The following SLC14A2 variants were observed in gnomAD, a reference collection of about 807,000 sequenced individuals.
SLC14A2 encodes the protein solute carrier family 14 member 2.
In SLC14A2, 91 loss-of-function variants were observed where a neutral mutation model predicts 104.6. The ratio of observed to expected loss-of-function variants is 0.87; its 90% CI spans 0.73 to 1.04. The LOEUF (loss-of-function observed/expected upper bound fraction) is 1.04. Among genes scored for constraint, SLC14A2 ranks in the 50% least tolerant of loss-of-function variants. The pLI is 0.00. For missense variants in SLC14A2, 1,189 were observed against 1,156.0 expected, an observed-to-expected ratio of 1.03 and a Z score of -0.41; for synonymous variants, 476 against 466.4, an observed-to-expected ratio of 1.02 and a Z score of -0.27.
At chr18:45,343,754 G>T (rs746875813) in intron 1 of SLC14A2, among the ~76,000 whole-genome samples, 4 of 152,132 alleles carry the variant, frequency 2.6e-5, no homozygotes, top group African/African-American at 7.2e-5. Flanking sequence ...GTGGCCCTGT[G>T]ATTCCTTTGA....
chr18:45,466,216 A>G (rs1338915297), intron 1 of SLC14A2, among the ~76,000 whole-genome samples: 1 of 152,062 alleles, frequency 6.6e-6, no homozygotes, highest in Non-Finnish European at 1.5e-5. Flanking sequence ...TTACCTGGAC[A>G]TCCACTTTGT....
chr18:45,673,060 A>G lies in SLC14A2; in HGVS notation c.2377+13A>G. The G allele has an allele frequency of 6.2e-7, 1 of 1,612,938 alleles. No homozygotes were observed. ...GGGATGCTAGCAGGTCTGTGTCCTC[A>G]CTTCCCTGGGCTGTGAGGGGGTTAG... On this transcript the variant is annotated intron_variant, in intron 17 of 19. Coordinates refer to ENST00000255226, the MANE Select transcript of SLC14A2 (RefSeq NM_007163.4).
At chr18:45,174,281 A>T in the SLC14A2 span, among the ~76,000 whole-genome samples, 1 of 152,134 alleles carries the variant, frequency 6.6e-6, no homozygotes, top group Non-Finnish European at 1.5e-5. Context: ...GTGATGACAG[A>T]GTCCTGGCCA....
the SLC14A2 span, among the ~76,000 whole-genome samples, chr18:45,176,072 C>A: frequency 6.6e-6 from 1 of 151,846 alleles, no homozygotes. Flanking sequence ...AGCAGACTGC[C>A]AAGGAGGCTC....
chr18:45,398,501 T>C (rs931443425), intron 1 of SLC14A2, among the ~76,000 whole-genome samples: 2 of 152,122 alleles, frequency 1.3e-5, no homozygotes, highest in Admixed American at 1.3e-4. Context: ...ACACCAATGT[T>C]TATGGCAGCA....
intron 10 of SLC14A2, among the ~76,000 whole-genome samples, chr18:45,653,260 C>T (rs1019094778): frequency 6.6e-6 from 1 of 152,106 alleles, no homozygotes; most frequent in African/African-American, 2.4e-5. Context: ...GCCTGCTGGG[C>T]TCCTCCCACC....
intron 1 of SLC14A2, among the ~76,000 whole-genome samples, chr18:45,358,704 A>C (rs1240010233): frequency 6.6e-6 from 1 of 152,122 alleles, no homozygotes; most frequent in Non-Finnish European, 1.5e-5. Context: ...CAGCCTCCTG[A>C]GTACAGAGAT....
At chr18:45,673,656 A>C (rs779368408) in intron 17 of SLC14A2, 27 bp from the exon 18 acceptor site, 1 of 1,611,322 alleles carries the variant, frequency 6.2e-7, no homozygotes, top group Non-Finnish European at 8.5e-7. Context: ...CCCTAGACCC[A>C]ACCCTGATGC....
At chr18:45,288,800 C>T (rs538233774) in intron 1 of SLC14A2, among the ~76,000 whole-genome samples, 12 of 152,308 alleles carry the variant, frequency 7.9e-5, no homozygotes, top group South Asian at 2.1e-4. Flanking sequence ...GCCCAGTCCC[C>T]GCCTGCCTCC....
the SLC14A2 span, among the ~76,000 whole-genome samples, chr18:45,168,173 C>T: frequency 1.6e-3 from 237 of 152,328 alleles, no homozygotes; most frequent in Middle Eastern, 3.4e-3. Context: ...CCTCATCAAG[C>T]TTTATCTTTC....
intron 1 of SLC14A2, among the ~76,000 whole-genome samples, chr18:45,221,787 G>C (rs947283161): frequency 6.6e-6 from 1 of 152,076 alleles, no homozygotes; most frequent in Non-Finnish European, 1.5e-5. Context: ...CAATGTCTTA[G>C]AGTGTGTAGA....
At chr18:45,558,489 C>T (rs1377946334) in intron 2 of SLC14A2, among the ~76,000 whole-genome samples, 1 of 152,104 alleles carries the variant, frequency 6.6e-6, no homozygotes, top group Admixed American at 6.5e-5. Flanking sequence ...GAGTTTGTGT[C>T]CCAGGAGTGG....
the SLC14A2 span, among the ~76,000 whole-genome samples, chr18:45,172,227 TACATTCA>T: frequency 6.6e-6 from 1 of 152,144 alleles, no homozygotes; most frequent in Non-Finnish European, 1.5e-5. Context: ...GGCCAACCAA[TACATTCA>T]ACCATCATCA....
chr18:45,202,697 C>G, the SLC14A2 span, among the ~76,000 whole-genome samples: 6 of 152,064 alleles, frequency 3.9e-5, no homozygotes, highest in African/African-American at 1.4e-4. Context: ...GGATCAGATT[C>G]TATGGGAAGT....
chr18:45,663,933 T>C, intron 11 of SLC14A2, 26 bp downstream of exon 11: 1 of 1,592,930 alleles, frequency 6.3e-7, no homozygotes. Context: ...CCCTCACGCT[T>C]GGATCCCTGC....
upstream of SLC14A2, among the ~76,000 whole-genome samples, chr18:45,212,414 A>T (rs1281886550): frequency 1.3e-5 from 2 of 152,210 alleles, no homozygotes; most frequent in African/African-American, 4.8e-5. Context: ...TAACCTATAC[A>T]AAGTCCATCA....
chr18:45,378,443 A>G (rs1025400844), intron 1 of SLC14A2, among the ~76,000 whole-genome samples: 2 of 152,180 alleles, frequency 1.3e-5, no homozygotes, highest in African/African-American at 4.8e-5. Flanking sequence ...AACTGACTTC[A>G]AAAATGTCTG....
At chr18:45,592,763 T>C (rs142067084) in intron 2 of SLC14A2, among the ~76,000 whole-genome samples, 98 of 152,340 alleles carry the variant, frequency 6.4e-4, no homozygotes, top group African/African-American at 2.1e-3. Flanking sequence ...GGAGACCCAG[T>C]AGACAGTTCA....
rs542152171 is a variant in SLC14A2, at chr18:45,504,873, G to C, written c.-35+21551G>C. Among the ~76,000 whole-genome samples the C allele has an allele frequency of 6.8e-4, 103 of 152,186 alleles. 1 individual carries two copies. Among genetic ancestry groups the C allele is most frequent in the African/African-American group, 2.3e-3 (96 of 41,522 alleles). On this transcript the variant is annotated intron_variant, in intron 2 of 20. Transcript: ENST00000586448. ...AAAATGTGGATTTTATTATAATAGC[G>C]ATGATAATAAAAATAATTAGGAGAA...
Sources: gnomAD v4.1 joint callset for allele counts (sites outside exome capture counted in the v4.1 genomes callset) on GRCh38, gnomAD v4.1.1 for gene constraint, MANE v1.5 for transcripts, NCBI Gene and HGNC (gene_info 2026-07-23, HGNC 2026-07-21) for gene names.